RELL1: variants seen among roughly 807,000 people sequenced by gnomAD.
RELL1 encodes the protein RELT-like protein 1.
RELL1 carries 10 observed loss-of-function variants against 23.0 expected under a neutral mutation model. That is an observed-to-expected ratio of 0.43 (90% CI 0.27 to 0.74). The LOEUF (loss-of-function observed/expected upper bound fraction) is 0.74. Ranked by LOEUF, RELL1 falls within the 30% of genes least tolerant of loss-of-function variation. The pLI, the probability that RELL1 is intolerant of heterozygous loss-of-function variation, is 0.19. For missense variants in RELL1, 315 were observed against 364.4 expected (o/e 0.86, Z 1.10); for synonymous variants, 146 against 146.8 (o/e 0.99, Z 0.04).
At chr4:37,622,798 G>GTTTTTTTTTTT (rs771576367) in intron 6 of RELL1, 4 of 418,336 alleles carry the variant, frequency 9.6e-6, no homozygotes, top group African/African-American at 2.2e-5. Flanking sequence ...CTCAAGTAAT[G>GTTTTTTTTTTT]CTTTTTTTTT....
intron 5 of RELL1, among the ~76,000 whole-genome samples, chr4:37,633,597 G>A (rs898048733): frequency 1.3e-5 from 2 of 152,098 alleles, no homozygotes; most frequent in Middle Eastern, 3.4e-3. Flanking sequence ...GTCATGAATT[G>A]TGCTGTTTTG....
intron 1 of RELL1, among the ~76,000 whole-genome samples, chr4:37,673,186 CTTTTT>C (rs71189095): frequency 2.1e-5 from 2 of 93,180 alleles, no homozygotes; most frequent in African/African-American, 4.1e-5. Flanking sequence ...CTTTTTTTTT[CTTTTT>C]TTTTTTTTTT....
At chr4:37,610,007 G>T (rs1719326114), downstream of RELL1, among the ~76,000 whole-genome samples, 2 of 152,190 alleles carry the variant, frequency 1.3e-5, no homozygotes, top group South Asian at 4.1e-4. The surrounding 1 kb of genome is among the most constrained non-coding windows in gnomAD (Gnocchi z 4.1). Flanking sequence ...TTTGAAAGAT[G>T]TTCTACTGTG....
rs564583776 is a variant in RELL1 at position 37,598,027 on chromosome 4, C to CAT, written c.*4-6812_*4-6811dup. 2.7e-3 allele frequency among the ~76,000 whole-genome samples: 386 copies of CAT among 144,350 alleles called. 3 individuals are homozygous for CAT. Among genetic ancestry groups the CAT allele is most frequent in the African/African-American group, 8.5e-3 (337 of 39,594 alleles). 94.7% of individuals were successfully genotyped at this position (144,350 alleles called of 152,430 possible). ...GATCGTGCTGGTGCACTCCAGCCTA[C>CAT]ATATATATATACACATATATATAAA... On this transcript the variant is annotated intron_variant, in intron 6 of 6. Coordinates refer to the RELL1 transcript ENST00000314117.
Position 37,634,992 on chromosome 4 carries a change from C to T in RELL1, c.575G>A (p.Cys192Tyr). 6.2e-7 allele frequency: 1 copy of T among 1,614,234 alleles called. No homozygotes were observed. The highest frequency in any genetic ancestry group is 8.5e-7 in the Non-Finnish European group (1 of 1,180,040). Reference protein sequence around the residue: ...TVGGVVERDVCHRCRHKRWHF... With the variant: ...TVGGVVERDVYHRCRHKRWHF... ...CCACCGCTTGTGCCTACACCGATGA[C>T]ACACATCCCTCTCGACAACACCGCC... Residue 192 changes from cysteine to tyrosine, a missense_variant, in exon 5 of 7, where the codon TGT becomes TAT. By Grantham distance (194) the Cys-to-Tyr change is radical (BLOSUM62 -2). Transcript: ENST00000454158.
chr4:37,598,252 CAAAAAA>C (rs56142508), intron 6 of RELL1, among the ~76,000 whole-genome samples: 10 of 11,332 alleles, frequency 8.8e-4, no homozygotes, highest in South Asian at 1.8e-3. Context: ...AACTCTGTCT[CAAAAAA>C]AAAAAAAAAA....
intron 1 of RELL1, among the ~76,000 whole-genome samples, chr4:37,672,242 C>T (rs1721859195): frequency 6.6e-6 from 1 of 152,098 alleles, no homozygotes; most frequent in Non-Finnish European, 1.5e-5. Context: ...GTTGGTTCCT[C>T]CGGCAACTAG....
chr4:37,616,631 A>T (rs572219935), intron 6 of RELL1, among the ~76,000 whole-genome samples: 29 of 152,372 alleles, frequency 1.9e-4, no homozygotes, highest in African/African-American at 6.5e-4. Flanking sequence ...AGACAAGGCT[A>T]TGGAACCACA....
chr4:37,607,300 G>A (rs1719252931), downstream of RELL1, among the ~76,000 whole-genome samples: 1 of 152,152 alleles, frequency 6.6e-6, no homozygotes, highest in Non-Finnish European at 1.5e-5. Context: ...TTTTTTAGTT[G>A]TGATCACTTT....
chr4:37,612,587 A>C lies in RELL1; in HGVS notation c.*759T>G, dbSNP rs2109231374. On this transcript the variant is annotated 3_prime_UTR_variant, in exon 7 of 7. Transcript: ENST00000454158. The stretch of plus-strand genomic sequence containing the variant: ...GGGAGGTGGAGATTGAGGTGAGTGG[A>C]GATTGTGCCACTGCACTCCAGCCTA... Among the ~76,000 whole-genome samples, 1 of 147,090 alleles carries C rather than the reference A, an allele frequency of 6.8e-6. No individual in the cohort carries two copies. Among genetic ancestry groups the C allele is most frequent in the Middle Eastern group, 3.5e-3 (1 of 288 alleles).
chr4:37,632,317 A>G (rs1720172079), intron 5 of RELL1, among the ~76,000 whole-genome samples: 1 of 150,030 alleles, frequency 6.7e-6, no homozygotes, highest in Admixed American at 6.7e-5. Context: ...GATTACAGCC[A>G]TGTGCCACCA....
chr4:37,663,134 A>C (rs2109299864), intron 1 of RELL1, among the ~76,000 whole-genome samples: 1 of 152,224 alleles, frequency 6.6e-6, no homozygotes, highest in South Asian at 2.1e-4. Flanking sequence ...AAGGACTGGG[A>C]GGGCTCCCTG....
chr4:37,683,783 T>C (rs1001470462), intron 1 of RELL1, among the ~76,000 whole-genome samples: 6 of 141,298 alleles, frequency 4.2e-5, no homozygotes, highest in Non-Finnish European at 7.7e-5. Context: ...TAAAAATAAA[T>C]AAACAAATAA....
At chr4:37,624,452 C>T (rs1280810741) in intron 6 of RELL1, among the ~76,000 whole-genome samples, 1 of 142,474 alleles carries the variant, frequency 7.0e-6, no homozygotes, top group Non-Finnish European at 1.5e-5. Flanking sequence ...CAGAGTCTCC[C>T]TCTGTCGCCC....
intron 4 of RELL1, among the ~76,000 whole-genome samples, chr4:37,636,628 G>A (rs1038568435): frequency 1.3e-5 from 2 of 150,932 alleles, no homozygotes; most frequent in Non-Finnish European, 2.9e-5. Flanking sequence ...ATACATAGTC[G>A]AGATAAGAGC....
chr4:37,635,449 G>A (rs548710354), intron 4 of RELL1, among the ~76,000 whole-genome samples: 3 of 152,162 alleles, frequency 2.0e-5, no homozygotes, highest in African/African-American at 7.2e-5. Flanking sequence ...AACATAGAGA[G>A]ACCTCGTCTC....
At chr4:37,624,679 T>G (rs1360078813) in intron 6 of RELL1, among the ~76,000 whole-genome samples, 1 of 152,000 alleles carries the variant, frequency 6.6e-6, no homozygotes, top group Non-Finnish European at 1.5e-5. Context: ...TCCGCCCACC[T>G]CGGCCTCCCA....
At chr4:37,685,549 A>T (rs529318504) in intron 1 of RELL1, among the ~76,000 whole-genome samples, 1 of 152,306 alleles carries the variant, frequency 6.6e-6, no homozygotes, top group Admixed American at 6.5e-5. Context: ...TGACCACACA[A>T]GGTTCCTTTC....
chr4:37,643,180 T>C (rs1720585602), intron 3 of RELL1, among the ~76,000 whole-genome samples: 1 of 152,208 alleles, frequency 6.6e-6, no homozygotes, highest in South Asian at 2.1e-4. Flanking sequence ...TGTATTAAAT[T>C]GCAGGGTTCG....
Sources: gnomAD v4.1 joint callset for allele counts (sites outside exome capture counted in the v4.1 genomes callset) on GRCh38, gnomAD v4.1.1 for gene constraint, Gnocchi (gnomAD v3.1) non-coding constraint, MANE v1.5 for transcripts, NCBI Gene and HGNC (gene_info 2026-07-23, HGNC 2026-07-21) for gene names.